The following AFF3 variants were observed in gnomAD, a reference collection of about 807,000 sequenced individuals.
AFF3 encodes ALF transcription elongation factor 3.
AFF3 carries 32 observed loss-of-function variants against 129.7 expected under a neutral mutation model. The ratio of observed to expected loss-of-function variants is 0.25; its 90% CI spans 0.19 to 0.33. AFF3 has a LOEUF of 0.33. AFF3 is among the 10% of genes least tolerant of loss of function. AFF3 has a pLI of 1.00. For synonymous variants in AFF3, 644 were observed against 635.4 expected (o/e 1.01, Z -0.20); for missense variants, 1,373 against 1,592.0 (o/e 0.86, Z 2.34).
intron 10 of AFF3, among the ~76,000 whole-genome samples, chr2:99,740,261 C>T (rs372709095): frequency 1.1e-4 from 16 of 148,790 alleles, no homozygotes; most frequent in Admixed American, 2.7e-4. Context: ...TGAATAGTGC[C>T]GCAATAAACA....
chr2:99,940,393 T>C (rs1039068570), intron 7 of AFF3, among the ~76,000 whole-genome samples: 3 of 152,182 alleles, frequency 2.0e-5, no homozygotes, highest in Non-Finnish European at 4.4e-5. Flanking sequence ...CCCAGATTGT[T>C]AGGCATTCTA....
At chr2:99,710,294 T>G (rs950074401) in intron 11 of AFF3, among the ~76,000 whole-genome samples, 4 of 152,170 alleles carry the variant, frequency 2.6e-5, no homozygotes, top group Non-Finnish European at 5.9e-5. Context: ...GTCTCTATTG[T>G]CCAGGCTGGA....
At chr2:99,716,605 G>C (rs1372142122) in intron 11 of AFF3, among the ~76,000 whole-genome samples, 2 of 150,998 alleles carry the variant, frequency 1.3e-5, no homozygotes, top group Admixed American at 1.3e-4. Context: ...TATATAGGCT[G>C]GGTGTGGTGG....
intron 4 of AFF3, among the ~76,000 whole-genome samples, chr2:100,095,755 G>T (rs566903391): frequency 6.6e-6 from 1 of 152,312 alleles, no homozygotes; most frequent in South Asian, 2.1e-4. Context: ...CACAGAACAT[G>T]CAAAGTCAAT....
chr2:99,775,290 G>T (rs972922537), intron 8 of AFF3, among the ~76,000 whole-genome samples: 1 of 152,142 alleles, frequency 6.6e-6, no homozygotes, highest in East Asian at 1.9e-4. Context: ...CAATAGAAAA[G>T]ACATGGGATC....
chr2:99,652,219 G>A (rs1403437958), intron 12 of AFF3, among the ~76,000 whole-genome samples: 2 of 152,158 alleles, frequency 1.3e-5, no homozygotes, highest in African/African-American at 4.8e-5. Flanking sequence ...TGATAGCACT[G>A]GGCTAGACGG....
chr2:99,954,297 C>T (rs565508436), intron 7 of AFF3, among the ~76,000 whole-genome samples: 11 of 151,626 alleles, frequency 7.3e-5, no homozygotes, highest in Non-Finnish European at 1.6e-4. Context: ...GTTTTTCTAT[C>T]TTTGGTCACA....
In AFF3 at chr2:100,050,204, GA is replaced by G. The variant is rs201522559; in HGVS notation, c.54-41273del. Among the ~76,000 whole-genome samples the G allele has an allele frequency of 3.8e-3, 584 of 151,946 alleles. 3 individuals carry two copies. Among genetic ancestry groups the G allele is most frequent in the Non-Finnish European group, 6.2e-3 (419 of 67,912 alleles). ...CAGAGCAAGACTTCATCTCGGGGGG[GA>G]AAAAAAGGCAGTTATGCTTGCAAAT... On this transcript the variant is annotated intron_variant, in intron 4 of 24. Transcript: ENST00000672756.
chr2:99,592,943 C>CCCAA (rs766393879), intron 15 of AFF3, among the ~76,000 whole-genome samples: 4 of 123,018 alleles, frequency 3.3e-5, no homozygotes, highest in African/African-American at 6.3e-5. Flanking sequence ...CCCCCCCCCC[C>CCCAA]AAAAAAAGGG....
At chr2:99,632,008 CT>C (rs745651225) in intron 13 of AFF3, among the ~76,000 whole-genome samples, 125 of 76,902 alleles carry the variant, frequency 1.6e-3, no homozygotes, top group Non-Finnish European at 2.1e-3. Context: ...CTTGCCAACA[CT>C]TTTTTTTTTT....
chr2:99,837,631 T>C, intron 7 of AFF3, 107 bp from the exon 8 acceptor site: 1 of 1,017,794 alleles, frequency 9.8e-7, no homozygotes, highest in Non-Finnish European at 1.5e-6. Flanking sequence ...ATTCAGCGAG[T>C]TACAGGTTGA....
At chr2:99,672,660 AT>A in intron 11 of AFF3, 71 bp from the exon 12 acceptor site, 1 of 1,407,092 alleles carries the variant, frequency 7.1e-7, no homozygotes, top group Non-Finnish European at 1.0e-6. Context: ...CAGCACCAAA[AT>A]ATCACCTTAA....
chr2:99,896,641 T>TTTTTTTTC (rs1693982088), intron 7 of AFF3, among the ~76,000 whole-genome samples: 1 of 123,036 alleles, frequency 8.1e-6, no homozygotes, highest in Non-Finnish European at 1.7e-5. Flanking sequence ...TTTTTTTTTT[T>TTTTTTTTC]TTTTTTTTTT....
intron 7 of AFF3, among the ~76,000 whole-genome samples, chr2:99,867,916 A>C (rs932571182): frequency 1.3e-5 from 2 of 151,254 alleles, no homozygotes; most frequent in African/African-American, 4.9e-5. Context: ...CAGGCTAATC[A>C]CGCCCCTGGG....
chr2:99,958,158 G>A (rs1676842699), intron 7 of AFF3, among the ~76,000 whole-genome samples: 1 of 152,126 alleles, frequency 6.6e-6, no homozygotes. Context: ...TAGATGCAAA[G>A]CCTGGAAAAA....
intron 7 of AFF3, among the ~76,000 whole-genome samples, chr2:99,958,662 T>C (rs1676903792): frequency 6.6e-6 from 1 of 151,262 alleles, no homozygotes; most frequent in African/African-American, 2.4e-5. Context: ...GAAGGGGAGG[T>C]TGAAAATAAG....
intron 10 of AFF3, among the ~76,000 whole-genome samples, chr2:99,736,751 A>C (rs544463870): frequency 1.6e-4 from 25 of 151,978 alleles, no homozygotes; most frequent in Non-Finnish European, 3.5e-4. Flanking sequence ...CTAGGACTAC[A>C]GGCATACGCC....
At chr2:99,813,730 T>G (rs1209369244) in intron 8 of AFF3, among the ~76,000 whole-genome samples, 2 of 152,192 alleles carry the variant, frequency 1.3e-5, no homozygotes, top group Non-Finnish European at 2.9e-5. Flanking sequence ...TTCACACAGA[T>G]GGAATTTTGG....
intron 7 of AFF3, among the ~76,000 whole-genome samples, chr2:99,938,455 A>ATGC (rs1674727197): frequency 6.6e-6 from 1 of 152,142 alleles, no homozygotes; most frequent in South Asian, 2.1e-4. Flanking sequence ...GATGATGATG[A>ATGC]TGATATGATG....
Sources: gnomAD v4.1 joint callset for allele counts (sites outside exome capture counted in the v4.1 genomes callset) on GRCh38, gnomAD v4.1.1 for gene constraint, MANE v1.5 for transcripts, NCBI Gene and HGNC (gene_info 2026-07-23, HGNC 2026-07-21) for gene names.